The following SSPN variants were observed in gnomAD, a reference collection of about 807,000 sequenced individuals.
SSPN encodes the protein sarcospan, also known as K-ras oncogene-associated protein.
A neutral mutation model predicts 19.1 loss-of-function variants in SSPN; 15 were observed. That is an observed-to-expected ratio of 0.78 (90% CI 0.52 to 1.21). SSPN has a LOEUF of 1.21. Ranked by LOEUF, SSPN falls within the 50% of genes most tolerant of loss-of-function variation. The pLI is 0.00. For missense variants in SSPN, 291 were observed against 314.0 expected, an observed-to-expected ratio of 0.93 and a Z score of 0.55; for synonymous variants, 147 against 140.3, an observed-to-expected ratio of 1.05 and a Z score of -0.34.
rs78603515 is a variant in SSPN, at chr12:26,208,019, G to C, written c.279+12068G>C. Among the ~76,000 whole-genome samples, 33 of 31,774 alleles carry C rather than the reference G, an allele frequency of 1.0e-3. 1 individual carries two copies. The East Asian group carries it at 0.028, about 27-fold the overall frequency. The allele number at this position is 31,774 out of a possible 152,430, so 20.8% of individuals were successfully genotyped here. ...TGTCTCAAAAGAAAGTGGTGGTGGT[G>C]GGGGGGGGGGATATATAACAGTTAA... On this transcript the variant is annotated intron_variant, in intron 1 of 2. Coordinates refer to ENST00000242729, the MANE Select transcript of SSPN (RefSeq NM_005086.5).
At chr12:26,123,178 G>A in intron 1 of SSPN, 1 of 1,577,938 alleles carries the variant, frequency 6.3e-7, no homozygotes, top group Non-Finnish European at 8.6e-7. Flanking sequence ...CCTAGGATGA[G>A]GAAGGGATGG....
intron 1 of SSPN, chr12:26,122,160 C>T (rs1211983305): frequency 6.5e-6 from 10 of 1,538,524 alleles, no homozygotes; most frequent in Non-Finnish European, 8.8e-6. Flanking sequence ...CAGGTGGGTG[C>T]GGCCGTGCGG....
Position 26,183,923 on chromosome 12 carries a change from A to G in SSPN, c.-30-40370A>G, listed in dbSNP as rs181375536. 8.5e-5 allele frequency among the ~76,000 whole-genome samples: 13 copies of G among 152,344 alleles called. No individual in the cohort carries two copies. In the East Asian group the frequency reaches 2.5e-3, roughly 29 times the overall value. ...ACATGAAAGGAAGAAACCAGAAAAA[A>G]AGGAAATTGTCAGTGAATAAGAGCT... On this transcript the variant is annotated intron_variant, in intron 1 of 2. Coordinates refer to the SSPN transcript ENST00000538142.
chr12:26,133,254 A>G (rs1425350969), intron 1 of SSPN, among the ~76,000 whole-genome samples: 1 of 152,212 alleles, frequency 6.6e-6, no homozygotes, highest in Non-Finnish European at 1.5e-5. Flanking sequence ...TTAGCAAGAC[A>G]GCCTGACCTT....
rs1326410990 is a variant in SSPN at position 26,207,564 on chromosome 12, A to G, written c.279+11613A>G. ...ATACTTTGAAAATTTGTATATATCC[A>G]TAACCAACATGTCATATTTTAATTT... On this transcript the variant is annotated intron_variant, in intron 1 of 2. Coordinates refer to ENST00000242729, the MANE Select transcript of SSPN (RefSeq NM_005086.5). Among the ~76,000 whole-genome samples the G allele has an allele frequency of 2.0e-5, 3 of 152,218 alleles. No homozygotes were observed. In the East Asian group the frequency reaches 5.8e-4, roughly 29 times the overall value.
intron 1 of SSPN, among the ~76,000 whole-genome samples, chr12:26,223,446 G>A: frequency 6.6e-6 from 1 of 152,230 alleles, no homozygotes; most frequent in Non-Finnish European, 1.5e-5. Flanking sequence ...CTGACCTCAG[G>A]TGATCCACCC....
chr12:26,123,062 G>C, intron 1 of SSPN: 1 of 1,587,890 alleles, frequency 6.3e-7, no homozygotes, highest in African/African-American at 1.3e-5. Flanking sequence ...TGGGTGTCCA[G>C]CTCTCAAACC....
intron 1 of SSPN, among the ~76,000 whole-genome samples, chr12:26,148,992 C>G (rs1360451490): frequency 6.6e-6 from 1 of 152,162 alleles, no homozygotes; most frequent in African/African-American, 2.4e-5. Flanking sequence ...CACATTATTC[C>G]TGTTTAAGGT....
At chr12:26,198,960 G>A (rs1423926256) in intron 1 of SSPN, among the ~76,000 whole-genome samples, 1 of 152,212 alleles carries the variant, frequency 6.6e-6, no homozygotes, top group Non-Finnish European at 1.5e-5. Flanking sequence ...CTGGCTCCGG[G>A]ATATAGGCTG....
In SSPN at chr12:26,195,922, A is replaced by G. The variant is rs1944825213; in HGVS notation, c.250A>G (p.Arg84Gly). The G allele has an allele frequency of 6.4e-7, 1 of 1,556,150 alleles. No homozygotes were observed. Among genetic ancestry groups the G allele is most frequent in the Non-Finnish European group, 8.7e-7 (1 of 1,154,650 alleles). The change falls in exon 1 of 3, where the codon AGG becomes GGG. Residue 84 changes from arginine (R) to glycine (G), a missense_variant. By Grantham distance (125) the Arg-to-Gly change is moderately radical. Around this residue, in one of 3 missense-constraint regions of SSPN, gnomAD observed 139 missense variants for 119.6 expected, o/e 1.16. Transcript: ENST00000242729. ...GAGCATCAGCTCCTCCCTGCTAGTC[A>G]GGGACACTCCATTTTGGGCTGGGAT... ...MASISSSLLVRDTPFWAGIIV... is the reference protein window; with the variant it reads ...MASISSSLLVGDTPFWAGIIV...
intron 1 of SSPN, among the ~76,000 whole-genome samples, chr12:26,206,771 G>A (rs558261097): frequency 2.0e-4 from 31 of 152,286 alleles, no homozygotes; most frequent in Middle Eastern, 3.4e-3. Context: ...CATGAGAAAG[G>A]CTGGAACACA....
chr12:26,124,792 T>C lies in SSPN; in HGVS notation c.-31+2640T>C, dbSNP rs1246613178. 4 of 1,614,178 alleles carry C rather than the reference T, an allele frequency of 2.5e-6. No individual in the cohort carries two copies. In the Admixed American group the frequency reaches 6.7e-5, roughly 27 times the overall value. ...TTCCTTCGTCCATGTTCAACTGCTG[T>C]TCGTTTCCTCTGTTTCGATTTTTGG... is the stretch of plus-strand genomic sequence containing the variant. On this transcript the variant is annotated intron_variant, in intron 1 of 2. Transcript: ENST00000538142.
chr12:26,217,836 T>C (rs1945072064), intron 1 of SSPN, among the ~76,000 whole-genome samples: 1 of 152,194 alleles, frequency 6.6e-6, no homozygotes, highest in Non-Finnish European at 1.5e-5. Context: ...GAGATAATCA[T>C]GTGGAGAAAT....
At chr12:26,206,031 T>C (rs1013030322) in intron 1 of SSPN, among the ~76,000 whole-genome samples, 20 of 152,210 alleles carry the variant, frequency 1.3e-4, no homozygotes, top group African/African-American at 4.8e-4. Flanking sequence ...TATTGTGTTA[T>C]AGAACCCTCA....
intron 1 of SSPN, among the ~76,000 whole-genome samples, chr12:26,158,945 G>A (rs559209934): frequency 2.6e-5 from 4 of 152,210 alleles, no homozygotes; most frequent in Non-Finnish European, 5.9e-5. Context: ...CTTCCAATGC[G>A]ACTGACAGCA....
In SSPN at chr12:26,144,239, T is replaced by A. The variant is rs921679746; in HGVS notation, c.-31+22087T>A. ...AAGACTTGCTGATTTAAACAAATAC[T>A]AGGGTAAGATCAATTCTTTCTGCAA... is the stretch of plus-strand genomic sequence containing the variant. On this transcript the variant is annotated intron_variant, in intron 1 of 2. Coordinates refer to the SSPN transcript ENST00000538142. Among the ~76,000 whole-genome samples, 95 of 152,272 alleles carry A rather than the reference T, an allele frequency of 6.2e-4. 1 individual carries two copies. The highest frequency in any genetic ancestry group is 2.2e-3 in the African/African-American group (92 of 41,556).
At chr12:26,188,061 C>T (rs531720141) in intron 1 of SSPN, among the ~76,000 whole-genome samples, 1 of 152,322 alleles carries the variant, frequency 6.6e-6, no homozygotes, top group South Asian at 2.1e-4. Flanking sequence ...ATGTTTGCAT[C>T]AACTATTGTA....
At chr12:26,172,960 C>T (rs1418134411) in intron 1 of SSPN, among the ~76,000 whole-genome samples, 1 of 152,116 alleles carries the variant, frequency 6.6e-6, no homozygotes, top group African/African-American at 2.4e-5. Flanking sequence ...TCTTTATCAA[C>T]AGCCCTGAGG....
chr12:26,155,297 G>A (rs1016816354), intron 1 of SSPN, among the ~76,000 whole-genome samples: 4 of 152,168 alleles, frequency 2.6e-5, no homozygotes, highest in African/African-American at 4.8e-5. Flanking sequence ...GAAGATGAGA[G>A]GGTGAAAATT....
Sources: allele counts gnomAD v4.1 joint callset (sites outside exome capture counted in the v4.1 genomes callset), GRCh38; gene constraint gnomAD v4.1.1; regional missense constraint gnomAD v4.1.1; transcripts MANE v1.5; gene names NCBI Gene and HGNC (gene_info 2026-07-23, HGNC 2026-07-21).